MTSS2: variants seen among roughly 807,000 people sequenced by gnomAD.
MTSS2 encodes the protein MTSS I-BAR domain containing 2.
A neutral mutation model predicts 67.1 loss-of-function variants in MTSS2; 27 were observed. The observed-to-expected ratio is 0.40, with a 90% CI of 0.30 to 0.55. The LOEUF (loss-of-function observed/expected upper bound fraction) is 0.55. MTSS2 is among the 20% of genes least tolerant of loss of function. The probability of loss-of-function intolerance (pLI) is 0.43; values close to 1 mark genes in which losing one functional copy is unlikely to be tolerated. For synonymous variants in MTSS2, 624 were observed against 468.6 expected, an observed-to-expected ratio of 1.33 and a Z score of -4.28; for missense variants, 1,171 against 1,067.8, an observed-to-expected ratio of 1.10 and a Z score of -1.35.
At position 70,664,197 on chromosome 16, in the gene MTSS2, C is replaced by T. The variant is rs753261314; in HGVS notation, c.1724G>A (p.Arg575His). 2.1e-5 allele frequency: 33 copies of T among 1,595,390 alleles called. No homozygotes were observed. In the Admixed American group the frequency reaches 4.2e-4, roughly 20 times the overall value. ...GGGGCCAGCGCTGGACAGGGCGCGG[C>T]GCACGGTGGGCTTGGTGGAGGGTGT... ...RRTPSTKPTV[R>H]RALSSAGPIP... Residue 575 changes from arginine to histidine, a missense_variant, in exon 15 of 15, where the codon CGC becomes CAC. Physicochemically the swap from Arg to His is conservative, Grantham distance 29 (BLOSUM62 0). Around this residue, in one of 2 missense-constraint regions of MTSS2, gnomAD observed 924 missense variants for 756.0 expected, o/e 1.22. Transcript: ENST00000338779.
rs1252557640 is a variant in MTSS2, at chr16:70,664,237, C to G, written c.1684G>C (p.Ala562Pro). The G allele has an allele frequency of 6.4e-7, 1 of 1,569,256 alleles. No individual in the cohort carries two copies. The highest frequency in any genetic ancestry group is 1.3e-5 in the African/African-American group (1 of 74,212). Residue 562 changes from alanine (A) to proline (P), a missense_variant, in exon 15 of 15, where the codon GCC becomes CCC. Physicochemically the swap from Ala to Pro is conservative, Grantham distance 27 (BLOSUM62 -1). Coordinates refer to ENST00000338779, the MANE Select transcript of MTSS2 (RefSeq NM_138383.3). Reference sequence around the variant, plus strand: ...GTGGAGGGTGTGCGGCGGATGGTGGCCACGCCGGGGGGTGCGCCCGAGGGC... The same window carrying G: ...GTGGAGGGTGTGCGGCGGATGGTGGGCACGCCGGGGGGTGCGCCCGAGGGC... ...GLPSGAPPGV[A>P]TIRRTPSTKP...
intron 10 of MTSS2, 131 bp downstream of exon 10, chr16:70,676,750 T>A: frequency 1.4e-6 from 1 of 730,928 alleles, no homozygotes; most frequent in Non-Finnish European, 2.3e-6. Flanking sequence ...CATATGCAAA[T>A]TCCTCGGATG....
chr16:70,665,057 C>T lies in MTSS2; in HGVS notation c.1168G>A (p.Ala390Thr), dbSNP rs567327156. Residue 390 changes from alanine to threonine, a missense_variant, in exon 13 of 15, where the codon GCC becomes ACC. Coordinates refer to ENST00000338779, the MANE Select transcript of MTSS2 (RefSeq NM_138383.3). ...CGGTCCTTCCTCCGCTGCAGAGTGGCGCCTGAGGGCTGCTCATGGGAGCCG... is the reference window on the plus strand; with the variant it reads ...CGGTCCTTCCTCCGCTGCAGAGTGGTGCCTGAGGGCTGCTCATGGGAGCCG... ...KVGSHEQPSG[A>T]TLQRRKDRVE... 335 of 1,597,726 alleles carry T rather than the reference C, an allele frequency of 2.1e-4. 3 individuals carry two copies. The South Asian group carries it at 2.7e-3, about 13-fold the overall frequency.
rs1423470869 is a variant in MTSS2, at chr16:70,680,813, G to A, written c.186C>T (p.Asp62=). 6.4e-6 allele frequency: 10 copies of A among 1,553,014 alleles called. No individual in the cohort carries two copies. Among genetic ancestry groups the A allele is most frequent in the Non-Finnish European group, 8.7e-6 (10 of 1,148,610 alleles). ...CCCCACCTCGGGTGTTGGTAGCCAT[G>A]TCAGCCACTTTCTGGAAGGCATCCA... ...AFLDAFQKVA[D]MATNTRGATR... is the part of the protein sequence containing the mutation. The change falls in exon 3 of 15, where the codon GAC becomes GAT. Residue 62 remains aspartate (D), a synonymous_variant. Transcript: ENST00000338779.
At position 70,665,000 on chromosome 16, in the gene MTSS2, G is replaced by C. The variant is rs1242466211; in HGVS notation, c.1225C>G (p.Pro409Ala). 1 of 1,592,902 alleles carries C rather than the reference G, an allele frequency of 6.3e-7. No homozygotes were observed. The highest frequency in any genetic ancestry group is 8.5e-7 in the Non-Finnish European group (1 of 1,177,762). The change falls in exon 13 of 15, where the codon CCT (proline) becomes GCT (alanine). Residue 409 changes from proline to alanine, a missense_variant. By Grantham distance (27) the Pro-to-Ala change is conservative (BLOSUM62 -1). Transcript: ENST00000338779. The part of the protein sequence containing the change: ...VELLRDTEPG[P>A]ASGGTLGPSG... ...GGGCCCAGGGTGCCCCCACTGGCAG[G>C]GCCTGGCTCTGTGTCTCGCAGGAGC...
rs927765833 is a variant in MTSS2, at chr16:70,663,593, G to A, written c.*84C>T. On this transcript the variant is annotated 3_prime_UTR_variant, in exon 15 of 15. Transcript: ENST00000338779. Reference sequence around the variant, plus strand: ...CCTGGCTCTGTCCTCTCTCCTGGCTGGGCCTTTGCTCTGAGTGCCTGCGGC... The same window carrying A: ...CCTGGCTCTGTCCTCTCTCCTGGCTAGGCCTTTGCTCTGAGTGCCTGCGGC... 1.4e-6 allele frequency: 2 copies of A among 1,456,824 alleles called. No individual in the cohort carries two copies. The highest frequency in any genetic ancestry group is 2.9e-5 in the African/African-American group (2 of 70,034). The allele number at this position is 1,456,824 out of a possible 1,614,324, so 90.2% of individuals were successfully genotyped here. A position where few individuals can be genotyped will look rare whatever the true frequency, so the allele number is the denominator to read the frequency against.
intron 8 of MTSS2, 72 bp from the exon 9 acceptor site, chr16:70,677,971 G>C: frequency 1.5e-6 from 2 of 1,295,236 alleles, no homozygotes; most frequent in South Asian, 1.3e-5. Context: ...CCCTGGAGAA[G>C]CAGCAGCCCT....
In MTSS2 at chr16:70,674,443, G is replaced by A. The variant is rs376758699; in HGVS notation, c.916C>T (p.Arg306Cys). 23 of 1,614,080 alleles carry A rather than the reference G, an allele frequency of 1.4e-5. No individual in the cohort carries two copies. Among genetic ancestry groups the A allele is most frequent in the South Asian group, 2.2e-5 (2 of 91,090 alleles). Residue 306 changes from arginine (R) to cysteine (C), a missense_variant, in exon 11 of 15, where the codon CGC becomes TGC. This residue lies in a region of MTSS2 where 924 missense variants were observed against 756.0 expected (regional missense o/e 1.22). Coordinates refer to ENST00000338779, the MANE Select transcript of MTSS2 (RefSeq NM_138383.3). Reference protein sequence around the residue: ...AQTYSPSSTCRYRSLAQPATT... With the variant: ...AQTYSPSSTCCYRSLAQPATT... ...GCTGGCTGCGCCAGGCTGCGGTAGCGACAGGTGGAACTGGGTGAGTATGTT... is the reference window on the plus strand; with the variant it reads ...GCTGGCTGCGCCAGGCTGCGGTAGCAACAGGTGGAACTGGGTGAGTATGTT...
intron 1 of MTSS2, among the ~76,000 whole-genome samples, chr16:70,685,436 G>A (rs938669659): frequency 6.6e-6 from 1 of 152,184 alleles, no homozygotes; most frequent in African/African-American, 2.4e-5. Flanking sequence ...CCCCATTCAT[G>A]GTTTGGCGGT....
At chr16:70,677,450 G>T (rs888507197) in intron 9 of MTSS2, among the ~76,000 whole-genome samples, 3 of 152,106 alleles carry the variant, frequency 2.0e-5, no homozygotes, top group Non-Finnish European at 4.4e-5. Context: ...TCTAGGGGAG[G>T]GGATGGGGTT....
Position 70,685,900 on chromosome 16 carries a change from C to A in MTSS2, c.-109G>T. On this transcript the variant is annotated 5_prime_UTR_variant, in exon 1 of 15. The change creates a new upstream start codon in the 5' untranslated region. Transcript: ENST00000338779. ...CGCTCGCTCCGAGGCCGGGCCGGGC[C>A]TCCCGCCTCCAGGCTGCGCTCAGCG... The A allele has an allele frequency of 2.9e-5, 13 of 453,546 alleles. No homozygotes were observed. The highest frequency in any genetic ancestry group is 3.8e-5 in the Non-Finnish European group (13 of 345,484). 28.1% of individuals were successfully genotyped at this position (453,546 alleles called of 1,614,324 possible).
chr16:70,665,641 G>A (rs1035996560), intron 11 of MTSS2, 101 bp from the exon 12 acceptor site: 1 of 1,035,062 alleles, frequency 9.7e-7, no homozygotes, highest in Non-Finnish European at 1.4e-6. Context: ...GCATGCAGGG[G>A]GGCGGTTCAA....
At chr16:70,668,245 AC>A (rs1382237732) in intron 11 of MTSS2, among the ~76,000 whole-genome samples, 1 of 151,648 alleles carries the variant, frequency 6.6e-6, no homozygotes, top group East Asian at 1.9e-4. Context: ...AAACCCCAAT[AC>A]AAAAAATACA....
intron 9 of MTSS2, 144 bp downstream of exon 9, chr16:70,677,648 G>A: frequency 1.6e-6 from 1 of 642,290 alleles, no homozygotes; most frequent in Non-Finnish European, 2.7e-6. Context: ...ATGGCCTGCA[G>A]TGGGTGTCAG....
In MTSS2 at chr16:70,665,856, G is replaced by A. The variant is rs148383417; in HGVS notation, c.1054-316C>T. 631 of 259,120 alleles carry A rather than the reference G, an allele frequency of 2.4e-3. 3 individuals are homozygous for A. Among genetic ancestry groups the A allele is most frequent in the African/African-American group, 1.0e-2 (452 of 45,262 alleles). The allele number at this position is 259,120 out of a possible 1,614,324, so 16.1% of individuals were successfully genotyped here. ...GAGGGGAAAAAGAGATACTAAGGGC[G>A]GCAGCTGGGTGTTTGGTCTGAGCAG... On this transcript the variant is annotated intron_variant, in intron 11 of 14. Transcript: ENST00000338779.
At position 70,665,102 on chromosome 16, in the gene MTSS2, G is replaced by T; in HGVS notation, c.1129-6C>A. 1 of 1,589,954 alleles carries T rather than the reference G, an allele frequency of 6.3e-7. No homozygotes were observed. The highest frequency in any genetic ancestry group is 1.1e-5 in the South Asian group (1 of 89,800). On this transcript the variant is annotated splice_polypyrimidine_tract_variant and splice_region_variant and intron_variant, in intron 12 of 14. Transcript: ENST00000338779. ...GAGCCGACCTTGGACCAGTCCTGCA[G>T]GGAGGGTGTGGCAGGTCAGGGGGAC...
intron 7 of MTSS2, among the ~76,000 whole-genome samples, chr16:70,678,731 C>A (rs1198343392): frequency 6.6e-6 from 1 of 152,208 alleles, no homozygotes; most frequent in Non-Finnish European, 1.5e-5. Context: ...CCTGGGGTAC[C>A]CTCACTGACC....
In MTSS2 at chr16:70,663,523, G is replaced by A; in HGVS notation, c.*154C>T. ...AGAAGTCACTTCCTGTTTAAATGCTGGAATCCAAGTGAGGTGTCTTTCCAT... is the reference window on the plus strand; with the variant it reads ...AGAAGTCACTTCCTGTTTAAATGCTAGAATCCAAGTGAGGTGTCTTTCCAT... On this transcript the variant is annotated 3_prime_UTR_variant, in exon 15 of 15. Coordinates refer to ENST00000338779, the MANE Select transcript of MTSS2 (RefSeq NM_138383.3). 1 of 1,346,490 alleles carries A rather than the reference G, an allele frequency of 7.4e-7. No homozygotes were observed. Among genetic ancestry groups the A allele is most frequent in the South Asian group, 1.5e-5 (1 of 64,600 alleles). 83.4% of individuals were successfully genotyped at this position (1,346,490 alleles called of 1,614,324 possible).
At chr16:70,665,905 T>G (rs2052697540) in intron 11 of MTSS2, 2 of 193,002 alleles carry the variant, frequency 1.0e-5, no homozygotes, top group Non-Finnish European at 2.1e-5. Flanking sequence ...GTCACAGTTT[T>G]CTCAGACAGG....
Sources: allele counts gnomAD v4.1 joint callset (sites outside exome capture counted in the v4.1 genomes callset), GRCh38; gene constraint gnomAD v4.1.1; regional missense constraint gnomAD v4.1.1; transcripts MANE v1.5; gene names NCBI Gene and HGNC (gene_info 2026-07-23, HGNC 2026-07-21).